Variants in TRMT11 observed in about 807,000 individuals in gnomAD.
TRMT11 encodes tRNA methyltransferase 11.
In TRMT11, 53 loss-of-function variants were observed where a neutral mutation model predicts 62.8. The ratio of observed to expected loss-of-function variants is 0.84; its 90% CI spans 0.68 to 1.06. The LOEUF is 1.06. Ranked by LOEUF, TRMT11 falls within the 50% of genes least tolerant of loss-of-function variation. The pLI, the probability that TRMT11 is intolerant of heterozygous loss-of-function variation, is 0.00. For missense variants in TRMT11, 556 were observed against 553.4 expected (o/e 1.00, Z -0.05); for synonymous variants, 188 against 190.3 (o/e 0.99, Z 0.10).
rs564017400 is a variant in TRMT11, at chr6:126,134,173, A to G, written c.*1823+18318A>G. Among the ~76,000 whole-genome samples the G allele has an allele frequency of 1.2e-4, 19 of 152,094 alleles. No homozygotes were observed. The East Asian group carries it at 3.5e-3, about 28-fold the overall frequency. On this transcript the variant is annotated intron_variant and NMD_transcript_variant, in intron 21 of 22. Coordinates refer to the TRMT11 transcript ENST00000648977. ...GTATAAATAATAACATTAAATGTAA[A>G]TGAACTAAATTAGTCACTTAAAAGA... is the stretch of plus-strand genomic sequence containing the variant.
chr6:126,110,431 C>G (rs918827597), intron 17 of TRMT11, among the ~76,000 whole-genome samples: 6 of 151,992 alleles, frequency 3.9e-5, no homozygotes, highest in African/African-American at 1.4e-4. Flanking sequence ...AGAAATGTAC[C>G]AGAATAAAAT....
At chr6:126,041,290 A>T (rs1412156158), downstream of TRMT11, among the ~76,000 whole-genome samples, 2 of 152,136 alleles carry the variant, frequency 1.3e-5, no homozygotes, top group African/African-American at 2.4e-5. Flanking sequence ...TTGGGTTAAA[A>T]TTGTGCTTTA....
At chr6:126,123,817 T>C (rs999081010) in intron 21 of TRMT11, among the ~76,000 whole-genome samples, 13 of 152,140 alleles carry the variant, frequency 8.5e-5, no homozygotes, top group African/African-American at 3.1e-4. Flanking sequence ...TACTTTCATA[T>C]ATTGAAACTT....
chr6:126,059,226 C>T lies in TRMT11; in HGVS notation c.*1437+6036C>T, dbSNP rs550466933. ...AGGACACTTAGTCTCCCTGTCAATG[C>T]CCAGGAGTTGGAACAAATAACAGCT... On this transcript the variant is annotated intron_variant and NMD_transcript_variant, in intron 17 of 22. Transcript: ENST00000648977. Among the ~76,000 whole-genome samples the T allele has an allele frequency of 2.0e-5, 3 of 152,002 alleles. 1 individual carries two copies. The highest frequency in any genetic ancestry group is 6.8e-3 in the Middle Eastern group (2 of 294).
intron 21 of TRMT11, among the ~76,000 whole-genome samples, chr6:126,146,611 A>G (rs562853225): frequency 6.6e-5 from 10 of 151,326 alleles, no homozygotes; most frequent in African/African-American, 2.4e-4. Context: ...TCCACCTCCC[A>G]GGTTCAAGCA....
downstream of TRMT11, among the ~76,000 whole-genome samples, chr6:126,206,960 AG>A (rs1271963008): frequency 2.0e-5 from 3 of 152,228 alleles, no homozygotes; most frequent in African/African-American, 7.2e-5. Context: ...TCTTTTTGGC[AG>A]AAGAAGTTTG....
At chr6:126,241,592 C>A in the TRMT11 span, among the ~76,000 whole-genome samples, 3 of 152,162 alleles carry the variant, frequency 2.0e-5, no homozygotes, top group African/African-American at 7.2e-5. Flanking sequence ...AAAGCTTATC[C>A]ACCATGATCA....
chr6:126,069,529 C>T (rs185163257), intron 17 of TRMT11, among the ~76,000 whole-genome samples: 183 of 152,258 alleles, frequency 1.2e-3, no homozygotes, highest in African/African-American at 4.0e-3. Context: ...CAACAAAACT[C>T]CAACACTGAA....
chr6:126,116,144 C>T (rs1378842931), intron 21 of TRMT11, among the ~76,000 whole-genome samples: 2 of 151,692 alleles, frequency 1.3e-5, no homozygotes, highest in Non-Finnish European at 2.9e-5. Context: ...CATTTAACAA[C>T]CAGTGCTCTG....
intron 16 of TRMT11, among the ~76,000 whole-genome samples, chr6:126,050,105 C>T (rs528914283): frequency 4.6e-5 from 7 of 152,044 alleles, no homozygotes; most frequent in Admixed American, 4.6e-4. Flanking sequence ...GAGGTGAGCA[C>T]ATCACTTGAG....
chr6:126,202,541 G>A (rs184538826), downstream of TRMT11, among the ~76,000 whole-genome samples: 1 of 152,064 alleles, frequency 6.6e-6, no homozygotes, highest in Admixed American at 6.6e-5. Context: ...CAAACCAAAA[G>A]CAATAGAAAA....
At chr6:126,091,049 A>C (rs965179355) in intron 17 of TRMT11, among the ~76,000 whole-genome samples, 9 of 152,068 alleles carry the variant, frequency 5.9e-5, no homozygotes, top group African/African-American at 1.7e-4. Flanking sequence ...GTCTCTACTA[A>C]AAATACAAAA....
intron 17 of TRMT11, among the ~76,000 whole-genome samples, chr6:126,075,414 T>G (rs914414208): frequency 6.6e-6 from 1 of 152,052 alleles, no homozygotes. Flanking sequence ...GATTTCCCCC[T>G]TGCTATTCTC....
chr6:126,079,502 A>G (rs896614398), intron 17 of TRMT11, among the ~76,000 whole-genome samples: 2 of 152,172 alleles, frequency 1.3e-5, no homozygotes, highest in African/African-American at 4.8e-5. Context: ...AGCCCACAAG[A>G]TATCTTCTTC....
At chr6:126,070,534 A>G (rs915915074) in intron 17 of TRMT11, among the ~76,000 whole-genome samples, 4 of 152,240 alleles carry the variant, frequency 2.6e-5, no homozygotes, top group African/African-American at 9.6e-5. Context: ...GCAGAATTCC[A>G]GGAATCATCC....
intron 17 of TRMT11, among the ~76,000 whole-genome samples, chr6:126,075,843 G>A (rs893904995): frequency 6.6e-6 from 1 of 152,122 alleles, no homozygotes; most frequent in Non-Finnish European, 1.5e-5. Context: ...CCAAGGTCAT[G>A]GTTGCAAAGG....
At chr6:126,027,740 G>A (rs1237038617) in intron 12 of TRMT11, among the ~76,000 whole-genome samples, 1 of 152,042 alleles carries the variant, frequency 6.6e-6, no homozygotes. Context: ...TTTTATTTTG[G>A]ATTGAATGAA....
the TRMT11 span, among the ~76,000 whole-genome samples, chr6:126,234,171 T>C: frequency 6.6e-6 from 1 of 152,162 alleles, no homozygotes. Flanking sequence ...TTTAATTCTG[T>C]CATCTACCGA....
At chr6:126,041,089 G>T (rs1205210330), downstream of TRMT11, among the ~76,000 whole-genome samples, 1 of 152,068 alleles carries the variant, frequency 6.6e-6, no homozygotes, top group African/African-American at 2.4e-5. Context: ...AGGTAAGTCA[G>T]TATTGCCACT....
Sources: allele counts gnomAD v4.1 joint callset (sites outside exome capture counted in the v4.1 genomes callset), GRCh38; gene constraint gnomAD v4.1.1; transcripts MANE v1.5; gene names NCBI Gene and HGNC (gene_info 2026-07-23, HGNC 2026-07-21).